Variants in PALM2AKAP2 observed in about 807,000 individuals in gnomAD.
PALM2AKAP2 encodes the protein PALM2-AKAP2 fusion protein.
In PALM2AKAP2, 37 loss-of-function variants were observed where a neutral mutation model predicts 71.5. That is an observed-to-expected ratio of 0.52 (90% CI 0.40 to 0.68). The LOEUF is 0.68. Among genes scored for constraint, PALM2AKAP2 ranks in the 30% least tolerant of loss-of-function variants. PALM2AKAP2 has a pLI of 0.00. For synonymous variants in PALM2AKAP2, 468 were observed against 478.8 expected (o/e 0.98, Z 0.29); for missense variants, 1,224 against 1,191.8 (o/e 1.03, Z -0.40).
chr9:109,691,855 T>C lies in PALM2AKAP2; in HGVS notation c.5+50989T>C, dbSNP rs1401872556. ...GACGATATATATATATATATATATA[T>C]ATATATATATATACACACACACACA... is the stretch of plus-strand genomic sequence containing the variant. On this transcript the variant is annotated intron_variant, in intron 1 of 6. Coordinates refer to the PALM2AKAP2 transcript ENST00000374531. 1.1e-4 allele frequency among the ~76,000 whole-genome samples: 5 copies of C among 45,258 alleles called. No homozygotes were observed. In the South Asian group the frequency reaches 3.2e-3, roughly 29 times the overall value. The allele number at this position is 45,258 out of a possible 152,430, so 29.7% of individuals were successfully genotyped here. A position where few individuals can be genotyped will look rare whatever the true frequency, so the allele number is the denominator to read the frequency against.
intron 1 of PALM2AKAP2, among the ~76,000 whole-genome samples, chr9:109,693,311 T>C (rs1179314526): frequency 6.6e-6 from 1 of 151,950 alleles, no homozygotes; most frequent in Non-Finnish European, 1.5e-5. Flanking sequence ...CTCTGAGCAG[T>C]TTTCTTTCTT....
At chr9:110,165,419 A>G (rs1191149207) in intron 3 of PALM2AKAP2, among the ~76,000 whole-genome samples, 2 of 152,128 alleles carry the variant, frequency 1.3e-5, no homozygotes, top group Non-Finnish European at 2.9e-5. Context: ...TTACTCCCAG[A>G]CACCCCTGGG....
At chr9:109,853,524 A>G (rs1829076118) in intron 1 of PALM2AKAP2, among the ~76,000 whole-genome samples, 1 of 152,244 alleles carries the variant, frequency 6.6e-6, no homozygotes, top group South Asian at 2.1e-4. Flanking sequence ...TATATCATAG[A>G]TTATTTAACC....
At chr9:109,977,206 A>G (rs185732093) in intron 6 of PALM2AKAP2, among the ~76,000 whole-genome samples, 125 of 152,314 alleles carry the variant, frequency 8.2e-4, no homozygotes, top group Non-Finnish European at 9.3e-4. Context: ...TGTCCTCCTA[A>G]GCTGCACCAG....
intron 1 of PALM2AKAP2, among the ~76,000 whole-genome samples, chr9:110,085,111 C>T (rs1017457395): frequency 4.6e-5 from 7 of 152,144 alleles, no homozygotes; most frequent in South Asian, 4.1e-4. Flanking sequence ...TAACCACAGA[C>T]GCAGAGGGCC....
chr9:110,064,811 G>A (rs1287176481), intron 1 of PALM2AKAP2, among the ~76,000 whole-genome samples: 7 of 152,096 alleles, frequency 4.6e-5, no homozygotes, highest in Admixed American at 2.0e-4. Flanking sequence ...CGGTGGCCCC[G>A]TGATAAGGGA....
chr9:110,036,295 G>T (rs1833409097), intron 7 of PALM2AKAP2, among the ~76,000 whole-genome samples: 1 of 151,952 alleles, frequency 6.6e-6, no homozygotes, highest in African/African-American at 2.4e-5. Context: ...GAGTTTTTTT[G>T]AACCCGTTAA....
chr9:109,799,557 G>A (rs1263211620), intron 1 of PALM2AKAP2, among the ~76,000 whole-genome samples: 1 of 152,098 alleles, frequency 6.6e-6, no homozygotes, highest in African/African-American at 2.4e-5. Context: ...GCAGTGGCAC[G>A]ACCATTACTC....
At chr9:109,725,495 T>C (rs1047269859) in intron 1 of PALM2AKAP2, among the ~76,000 whole-genome samples, 2 of 152,168 alleles carry the variant, frequency 1.3e-5, no homozygotes, top group Non-Finnish European at 2.9e-5. Flanking sequence ...CAATTCTTTT[T>C]CTAGGAATTT....
At chr9:110,130,570 A>T (rs1571261) in intron 1 of PALM2AKAP2, among the ~76,000 whole-genome samples, 73,276 of 152,020 alleles carry the variant, frequency 0.48, 17,915 homozygotes, top group African/African-American at 0.57. Flanking sequence ...TACAGACTTG[A>T]GTTGAATAAA....
intron 6 of PALM2AKAP2, among the ~76,000 whole-genome samples, chr9:110,010,710 T>A (rs115770505): frequency 0.01 from 1,520 of 148,624 alleles, 26 homozygotes; most frequent in African/African-American, 0.036. Context: ...AGAATGTATA[T>A]ACTTTTGGGC....
At chr9:110,044,991 T>G (rs1833573390), upstream of PALM2AKAP2, among the ~76,000 whole-genome samples, 1 of 152,210 alleles carries the variant, frequency 6.6e-6, no homozygotes, top group African/African-American at 2.4e-5. Context: ...TCAACCTGTA[T>G]CTAGGCTAAC....
At chr9:109,778,219 C>A (rs1829376168), upstream of PALM2AKAP2, among the ~76,000 whole-genome samples, 1 of 152,222 alleles carries the variant, frequency 6.6e-6, no homozygotes, top group South Asian at 2.1e-4. Flanking sequence ...GGGCCTGCTT[C>A]TATCTCCATA....
intron 1 of PALM2AKAP2, among the ~76,000 whole-genome samples, chr9:109,808,261 T>C: frequency 6.6e-6 from 1 of 152,212 alleles, no homozygotes; most frequent in East Asian, 1.9e-4. Context: ...TAGAGACTTG[T>C]TGAATGGCTT....
chr9:109,801,520 T>G (rs1001354187), intron 1 of PALM2AKAP2, among the ~76,000 whole-genome samples: 3 of 152,178 alleles, frequency 2.0e-5, no homozygotes, highest in Non-Finnish European at 2.9e-5. Flanking sequence ...TGTTTTACTT[T>G]CAAAAAAATA....
intron 1 of PALM2AKAP2, among the ~76,000 whole-genome samples, chr9:109,814,155 C>A (rs2131456234): frequency 6.6e-6 from 1 of 152,352 alleles, no homozygotes; most frequent in South Asian, 2.1e-4. Flanking sequence ...CCCAGTTTCA[C>A]ATTGGGACAC....
At chr9:110,087,426 C>A (rs530773907) in intron 1 of PALM2AKAP2, among the ~76,000 whole-genome samples, 1 of 152,320 alleles carries the variant, frequency 6.6e-6, no homozygotes, top group South Asian at 2.1e-4. Context: ...CAGTTGCAAT[C>A]ATTTGTTCAG....
intron 3 of PALM2AKAP2, among the ~76,000 whole-genome samples, chr9:109,904,063 T>C (rs556060740): frequency 8.6e-4 from 131 of 152,198 alleles, no homozygotes; most frequent in Non-Finnish European, 1.5e-3. Flanking sequence ...TTAACAGACT[T>C]GTTTCTAAAT....
At chr9:109,682,604 C>A (rs989547247) in intron 1 of PALM2AKAP2, among the ~76,000 whole-genome samples, 1 of 152,208 alleles carries the variant, frequency 6.6e-6, no homozygotes, top group Non-Finnish European at 1.5e-5. Context: ...CTCAGGCCCA[C>A]ACATTTGTTC....
Sources: gnomAD v4.1 joint callset for allele counts (sites outside exome capture counted in the v4.1 genomes callset) on GRCh38, gnomAD v4.1.1 for gene constraint, MANE v1.5 for transcripts, NCBI Gene and HGNC (gene_info 2026-07-23, HGNC 2026-07-21) for gene names.